Variants in COL4A4 observed in about 807,000 individuals in gnomAD.
The protein encoded by COL4A4 is collagen type IV alpha 4 chain, also known as collagen alpha-4(IV) chain.
A neutral mutation model predicts 192.9 loss-of-function variants in COL4A4; 105 were observed. That is an observed-to-expected ratio of 0.54 (90% CI 0.46 to 0.64). The LOEUF (loss-of-function observed/expected upper bound fraction) is 0.64, where lower values mean the gene tolerates loss of function less well. Among genes scored for constraint, COL4A4 ranks in the 30% least tolerant of loss-of-function variants. The probability of loss-of-function intolerance (pLI) is 0.00; values close to 1 mark genes in which losing one functional copy is unlikely to be tolerated. For missense variants in COL4A4, 1,967 were observed against 2,169.3 expected (o/e 0.91, Z 1.85); for synonymous variants, 762 against 769.9 (o/e 0.99, Z 0.17).
chr2:227,156,130 G>A (rs2064321869), intron 1 of COL4A4, among the ~76,000 whole-genome samples: 1 of 152,030 alleles, frequency 6.6e-6, no homozygotes, highest in Non-Finnish European at 1.5e-5. Context: ...CGGGTGTGGT[G>A]GCTCACACCT....
intron 7 of COL4A4, among the ~76,000 whole-genome samples, chr2:227,118,139 C>G (rs1306509862): frequency 6.6e-6 from 1 of 152,108 alleles, no homozygotes; most frequent in Non-Finnish European, 1.5e-5. Flanking sequence ...TCTCAGCTAG[C>G]TGTGAACCTT....
rs1452445580 is a variant in COL4A4 at position 227,107,852 on chromosome 2, G to A, written c.735+729C>T. ...GGCTCACTGCAAGCTCCACCTCCCAGGTTCAAGCAATTCTCCTGCTTCAGC... is the reference window on the plus strand; with the variant it reads ...GGCTCACTGCAAGCTCCACCTCCCAAGTTCAAGCAATTCTCCTGCTTCAGC... On this transcript the variant is annotated intron_variant, in intron 12 of 47. Coordinates refer to ENST00000396625, the MANE Select transcript of COL4A4 (RefSeq NM_000092.5). Among the ~76,000 whole-genome samples, 12 of 150,102 alleles carry A rather than the reference G, an allele frequency of 8.0e-5. No individual in the cohort carries two copies. The South Asian group carries it at 2.5e-3, about 32-fold the overall frequency.
rs1377333874 is a variant in COL4A4, at chr2:227,042,379, A to G, written c.3398-124T>C. The G allele has an allele frequency of 5.9e-6, 4 of 680,352 alleles. No individual in the cohort carries two copies. In the East Asian group the frequency reaches 8.2e-5, roughly 14 times the overall value. 42.1% of individuals were successfully genotyped at this position (680,352 alleles called of 1,614,324 possible). ...CACTGTCTAATTACTTTTTCTTCCT[A>G]TACATCTTAACTCTAGGGAGAAAAA... On this transcript the variant is annotated intron_variant, in intron 36 of 47. Coordinates refer to ENST00000396625, the MANE Select transcript of COL4A4 (RefSeq NM_000092.5).
intron 19 of COL4A4, among the ~76,000 whole-genome samples, chr2:227,096,656 C>T (rs2060219413): frequency 6.6e-6 from 1 of 152,130 alleles, no homozygotes; most frequent in African/African-American, 2.4e-5. Flanking sequence ...TTTCTTTCAA[C>T]CCCAAGGTCT....
In COL4A4 at chr2:227,111,696, T is replaced by C; in HGVS notation, c.576A>G (p.Pro192=). Residue 192 remains proline (P), a synonymous_variant, in exon 9 of 48, where the codon CCA becomes CCG. Coordinates refer to ENST00000396625, the MANE Select transcript of COL4A4 (RefSeq NM_000092.5). The stretch of plus-strand genomic sequence containing the variant: ...GACTTACTGGTAAGCCAGGCAGTCC[T>C]GGGTCCCCTCTGTCTCCCTGCAAAA... ...VKGIQGDRGD[P]GLPGLPGSWG... 1 of 1,614,150 alleles carries C rather than the reference T, an allele frequency of 6.2e-7. No homozygotes were observed. Among genetic ancestry groups the C allele is most frequent in the South Asian group, 1.1e-5 (1 of 91,082 alleles).
intron 1 of COL4A4, 36 bp from the exon 2 acceptor site, chr2:227,147,620 T>C (rs952775552): frequency 1.1e-5 from 8 of 726,306 alleles, no homozygotes; most frequent in Non-Finnish European, 1.7e-5. Flanking sequence ...AAACACAGCA[T>C]GCATTATAAT....
chr2:226,988,756 A>G, the COL4A4 span: 5 of 900,450 alleles, frequency 5.6e-6, no homozygotes, highest in Non-Finnish European at 6.6e-6. Flanking sequence ...AGCATAGAGA[A>G]TTATTCCTGT....
the COL4A4 span, among the ~76,000 whole-genome samples, chr2:226,970,889 G>A: frequency 1.1e-4 from 16 of 152,234 alleles, no homozygotes; most frequent in African/African-American, 3.6e-4. Flanking sequence ...GAGGACCTTC[G>A]TGGACTTTTA....
chr2:226,979,164 C>G, the COL4A4 span, among the ~76,000 whole-genome samples: 1 of 152,178 alleles, frequency 6.6e-6, no homozygotes, highest in East Asian at 1.9e-4. Flanking sequence ...GCCCAAGGCC[C>G]AAGAGCCCCC....
intron 42 of COL4A4, among the ~76,000 whole-genome samples, chr2:227,026,173 T>C (rs935189956): frequency 9.9e-5 from 15 of 152,078 alleles, no homozygotes; most frequent in Non-Finnish European, 1.8e-4. Flanking sequence ...TTGCCAAGTA[T>C]AGGGTATGCA....
the COL4A4 span, among the ~76,000 whole-genome samples, chr2:226,973,250 A>G: frequency 6.6e-6 from 1 of 152,254 alleles, no homozygotes. Context: ...GGAATCCCAA[A>G]GTATATCCTT....
chr2:227,094,378 G>C, intron 19 of COL4A4, 89 bp from the exon 20 acceptor site: 1 of 1,372,240 alleles, frequency 7.3e-7, no homozygotes, highest in Non-Finnish European at 1.0e-6. Context: ...CACTTGCTTA[G>C]GTTATCGAAT....
chr2:227,135,107 G>A (rs907460872), intron 4 of COL4A4, among the ~76,000 whole-genome samples: 6 of 152,128 alleles, frequency 3.9e-5, no homozygotes, highest in African/African-American at 1.4e-4. Context: ...CTTAAAGATG[G>A]GCCATAGTGA....
the COL4A4 span, among the ~76,000 whole-genome samples, chr2:226,993,379 G>A: frequency 6.6e-6 from 1 of 152,190 alleles, no homozygotes; most frequent in African/African-American, 2.4e-5. Flanking sequence ...AGGCCATCTG[G>A]AATGAGGTGT....
intron 40 of COL4A4, among the ~76,000 whole-genome samples, chr2:227,031,399 C>G (rs1269106448): frequency 6.6e-6 from 1 of 152,196 alleles, no homozygotes; most frequent in Non-Finnish European, 1.5e-5. Flanking sequence ...AACTCCCAAC[C>G]CAGCTCTAGC....
chr2:226,996,152 A>C, the COL4A4 span: 4 of 152,722 alleles, frequency 2.6e-5, no homozygotes, highest in African/African-American at 9.6e-5. Flanking sequence ...AGAAAGACCT[A>C]AGGTGGGGAA....
At chr2:226,982,093 T>C in the COL4A4 span, among the ~76,000 whole-genome samples, 3 of 152,256 alleles carry the variant, frequency 2.0e-5, no homozygotes, top group Non-Finnish European at 4.4e-5. Flanking sequence ...CCTCTTTTCT[T>C]TTCTTGCCCA....
chr2:227,132,864 G>C (rs1364411996), intron 4 of COL4A4, among the ~76,000 whole-genome samples: 1 of 152,154 alleles, frequency 6.6e-6, no homozygotes, highest in Admixed American at 6.5e-5. Context: ...GCAAATTATT[G>C]AATATGGTTG....
chr2:227,070,052 G>A (rs1366990696), intron 25 of COL4A4, among the ~76,000 whole-genome samples: 2 of 151,336 alleles, frequency 1.3e-5, no homozygotes, highest in Non-Finnish European at 2.9e-5. Context: ...ATCAAAAAGT[G>A]GGCGAAGGAC....
Sources: allele counts gnomAD v4.1 joint callset (sites outside exome capture counted in the v4.1 genomes callset), GRCh38; gene constraint gnomAD v4.1.1; transcripts MANE v1.5; gene names NCBI Gene and HGNC (gene_info 2026-07-23, HGNC 2026-07-21).